FOXO1: variants seen among roughly 807,000 people sequenced by gnomAD.
The protein encoded by FOXO1 is forkhead box O1, also known as forkhead box protein O1.
Under a neutral mutation model 44.1 loss-of-function variants are expected in FOXO1, and 6 were observed. That is an observed-to-expected ratio of 0.14 (90% CI 0.07 to 0.27). The LOEUF is 0.27. Among genes scored for constraint, FOXO1 ranks in the 10% least tolerant of loss-of-function variants. The probability of loss-of-function intolerance (pLI) is 1.00; values close to 1 mark genes in which losing one functional copy is unlikely to be tolerated. For missense variants in FOXO1, 737 were observed against 888.8 expected, an observed-to-expected ratio of 0.83 and a Z score of 2.17; for synonymous variants, 380 against 362.7, an observed-to-expected ratio of 1.05 and a Z score of -0.54.
chr13:40,653,879 A>G (rs987439873), intron 1 of FOXO1, among the ~76,000 whole-genome samples: 3 of 152,196 alleles, frequency 2.0e-5, no homozygotes, highest in Non-Finnish European at 4.4e-5. Context: ...TTCCCTCAAC[A>G]TGGATGCTTT....
chr13:40,634,249 G>T (rs1401279402), intron 1 of FOXO1, among the ~76,000 whole-genome samples: 2 of 152,136 alleles, frequency 1.3e-5, no homozygotes, highest in Non-Finnish European at 2.9e-5. Context: ...AAAAAGCCTT[G>T]CTTTGTGTTG....
chr13:40,651,989 TCAC>T, intron 1 of FOXO1, among the ~76,000 whole-genome samples: 1 of 152,282 alleles, frequency 6.6e-6, no homozygotes, highest in South Asian at 2.1e-4. Flanking sequence ...GCTTTCCCAT[TCAC>T]CACATGTAAA....
At chr13:40,624,317 TA>T (rs10552634) in intron 1 of FOXO1, among the ~76,000 whole-genome samples, 18,488 of 100,294 alleles carry the variant, frequency 0.18, 1,242 homozygotes, top group Non-Finnish European at 0.25. Flanking sequence ...TAATACTGCT[TA>T]AAAAAAAAAA....
At chr13:40,573,161 C>G (rs1269107657) in intron 1 of FOXO1, among the ~76,000 whole-genome samples, 2 of 152,196 alleles carry the variant, frequency 1.3e-5, no homozygotes, top group Non-Finnish European at 2.9e-5. Flanking sequence ...GTGCTGAGAG[C>G]TGCATGTTCA....
intron 1 of FOXO1, among the ~76,000 whole-genome samples, chr13:40,588,660 C>A (rs892166197): frequency 1.3e-5 from 2 of 152,176 alleles, no homozygotes; most frequent in African/African-American, 4.8e-5. Context: ...CAACCCACCC[C>A]GGCAGAGGCC....
intron 1 of FOXO1, among the ~76,000 whole-genome samples, chr13:40,636,517 CTTTTTTTT>C (rs376651061): frequency 8.2e-6 from 1 of 121,976 alleles, no homozygotes; most frequent in Non-Finnish European, 1.7e-5. Flanking sequence ...TTTTCAAAAA[CTTTTTTTT>C]TTTTTTTTTT....
rs11344939 is a variant in FOXO1, at chr13:40,654,322, T to TAAAAA, written c.630+11256_630+11260dup. ...GAAACCTCATCTCTACTAAAAATAC[T>TAAAAA]AAAAAAAAAAAAAAAAAAAAAAAAA... On this transcript the variant is annotated intron_variant, in intron 1 of 2. Transcript: ENST00000379561. Among the ~76,000 whole-genome samples the TAAAAA allele has an allele frequency of 7.2e-3, 346 of 48,144 alleles. 16 individuals are homozygous for TAAAAA. Among genetic ancestry groups the TAAAAA allele is most frequent in the East Asian group, 0.015 (34 of 2,212 alleles). 31.6% of individuals were successfully genotyped at this position (48,144 alleles called of 152,430 possible).
rs990684812 is a variant in FOXO1 at position 40,665,917 on chromosome 13, G to A, written c.296C>T (p.Ala99Val). 6 of 1,195,402 alleles carry A rather than the reference G, an allele frequency of 5.0e-6. No individual in the cohort carries two copies. The Admixed American group carries it at 1.8e-4, about 36-fold the overall frequency. 74.0% of individuals were successfully genotyped at this position (1,195,402 alleles called of 1,614,324 possible). The change falls in exon 1 of 3, where the codon GCC (alanine) becomes GTC (valine). Residue 99 changes from alanine (A) to valine (V), a missense_variant. Ala to Val is a moderately conservative substitution (Grantham distance 64, BLOSUM62 0). Transcript: ENST00000379561. Reference protein sequence around the residue: ...SVAAAVAAAAAAAATGGLCGD... With the variant: ...SVAAAVAAAAVAAATGGLCGD... Reference sequence around the variant, plus strand: ...GCACAGCCCCCCGGTGGCGGCCGCGGCGGCCGCCGCCGCCACCGCCGCCGC... The same window carrying A: ...GCACAGCCCCCCGGTGGCGGCCGCGACGGCCGCCGCCGCCACCGCCGCCGC...
At chr13:40,603,953 G>GCCATATACATGCCATATACAAAA (rs1168503225) in intron 1 of FOXO1, among the ~76,000 whole-genome samples, 1 of 152,142 alleles carries the variant, frequency 6.6e-6, no homozygotes, top group African/African-American at 2.4e-5. Context: ...ATACAATCAT[G>GCCATATACATGCCATATACAAAA]AAGTGTGTTT....
At chr13:40,659,956 CTTGAT>C (rs924799777) in intron 1 of FOXO1, among the ~76,000 whole-genome samples, 2 of 152,186 alleles carry the variant, frequency 1.3e-5, no homozygotes, top group African/African-American at 2.4e-5. Context: ...GTGCCACTGA[CTTGAT>C]TTTTGTTCAT....
At chr13:40,648,637 T>C (rs1877582129) in intron 1 of FOXO1, among the ~76,000 whole-genome samples, 1 of 152,158 alleles carries the variant, frequency 6.6e-6, no homozygotes, top group African/African-American at 2.4e-5. Context: ...AAATGTGTAT[T>C]TCCCCACACT....
intron 1 of FOXO1, among the ~76,000 whole-genome samples, chr13:40,594,976 C>T (rs1365537424): frequency 5.3e-5 from 8 of 152,274 alleles, no homozygotes; most frequent in East Asian, 1.9e-4. Context: ...TATGAGCCAC[C>T]GCACCAGCAT....
chr13:40,636,853 C>G (rs1481556519), intron 1 of FOXO1, among the ~76,000 whole-genome samples: 3 of 152,142 alleles, frequency 2.0e-5, no homozygotes, highest in East Asian at 1.9e-4. Flanking sequence ...TAGCACAATA[C>G]CTGGTGGAGT....
intron 1 of FOXO1, among the ~76,000 whole-genome samples, chr13:40,664,948 C>T (rs887480615): frequency 6.6e-6 from 1 of 151,882 alleles, no homozygotes; most frequent in Non-Finnish European, 1.5e-5. Flanking sequence ...GGCACCACCT[C>T]GGGCTCGGGA....
At chr13:40,663,042 T>C (rs1373885102) in intron 1 of FOXO1, among the ~76,000 whole-genome samples, 26 of 152,216 alleles carry the variant, frequency 1.7e-4, no homozygotes, top group Non-Finnish European at 2.9e-5. Context: ...AAAATGTACT[T>C]GCTGCAATCA....
chr13:40,603,045 T>C (rs894439228), intron 1 of FOXO1, among the ~76,000 whole-genome samples: 2 of 152,280 alleles, frequency 1.3e-5, no homozygotes, highest in African/African-American at 2.4e-5. Flanking sequence ...AGGCCACTAA[T>C]GCAGATCTCA....
intron 1 of FOXO1, among the ~76,000 whole-genome samples, chr13:40,568,138 T>A (rs1440576707): frequency 6.6e-6 from 1 of 152,076 alleles, no homozygotes; most frequent in Non-Finnish European, 1.5e-5. Flanking sequence ...CCCAGCTACC[T>A]AGAACTGCCC....
intron 1 of FOXO1, among the ~76,000 whole-genome samples, chr13:40,660,243 G>A (rs557309144): frequency 6.6e-6 from 1 of 152,264 alleles, no homozygotes; most frequent in African/African-American, 2.4e-5. Context: ...CAGGGAAGCA[G>A]ACCAACTCCC....
intron 1 of FOXO1, among the ~76,000 whole-genome samples, chr13:40,655,716 C>CA (rs1213571385): frequency 6.8e-6 from 1 of 146,230 alleles, no homozygotes; most frequent in Non-Finnish European, 1.5e-5. Flanking sequence ...AATCTCAGCT[C>CA]ACTACAGCCT....
Sources: gnomAD v4.1 joint callset for allele counts (sites outside exome capture counted in the v4.1 genomes callset) on GRCh38, gnomAD v4.1.1 for gene constraint, MANE v1.5 for transcripts, NCBI Gene and HGNC (gene_info 2026-07-23, HGNC 2026-07-21) for gene names.